TFEC: variants seen among roughly 807,000 people sequenced by gnomAD.
The protein encoded by TFEC is transcription factor EC, also known as class E basic helix-loop-helix protein 34.
Under a neutral mutation model 41.6 loss-of-function variants are expected in TFEC, and 31 were observed. The ratio of observed to expected loss-of-function variants is 0.74; its 90% CI spans 0.56 to 1.01. TFEC has a LOEUF of 1.01. Among genes scored for constraint, TFEC ranks in the 50% least tolerant of loss-of-function variants. The pLI, the probability that TFEC is intolerant of heterozygous loss-of-function variation, is 0.00. For missense variants in TFEC, 402 were observed against 404.1 expected, an observed-to-expected ratio of 0.99 and a Z score of 0.04; for synonymous variants, 143 against 140.6, an observed-to-expected ratio of 1.02 and a Z score of -0.12.
At chr7:116,032,708 G>A (rs1340264661), upstream of TFEC, among the ~76,000 whole-genome samples, 14 of 151,998 alleles carry the variant, frequency 9.2e-5, no homozygotes, top group African/African-American at 2.4e-4. Flanking sequence ...GGAGTGAGAG[G>A]ATCAGGAAAA....
chr7:116,082,005 T>C (rs949443796), intron 3 of TFEC, among the ~76,000 whole-genome samples: 3 of 151,982 alleles, frequency 2.0e-5, no homozygotes, highest in African/African-American at 7.2e-5. Context: ...AGGAAGAATT[T>C]TACTTATATC....
At chr7:116,001,639 G>T (rs1794601115) in intron 1 of TFEC, among the ~76,000 whole-genome samples, 1 of 152,032 alleles carries the variant, frequency 6.6e-6, no homozygotes, top group African/African-American at 2.4e-5. Context: ...AAGCAAAAAT[G>T]GACAAATGGG....
intron 3 of TFEC, among the ~76,000 whole-genome samples, chr7:116,097,630 G>T (rs1433092948): frequency 6.6e-6 from 1 of 152,076 alleles, no homozygotes; most frequent in East Asian, 1.9e-4. Context: ...AGAGAAGGAA[G>T]GTGTGTGATC....
At chr7:116,064,899 T>A (rs1344099184) in intron 3 of TFEC, among the ~76,000 whole-genome samples, 2 of 152,200 alleles carry the variant, frequency 1.3e-5, no homozygotes, top group African/African-American at 4.8e-5. Flanking sequence ...AGAGATTCGC[T>A]GTTAGATTCC....
chr7:116,086,308 G>A (rs1797202143), intron 3 of TFEC, among the ~76,000 whole-genome samples: 2 of 151,856 alleles, frequency 1.3e-5, no homozygotes. Context: ...TCTGTTTCCA[G>A]TTAGTCAATA....
intron 1 of TFEC, among the ~76,000 whole-genome samples, chr7:116,113,860 G>T (rs935279836): frequency 6.6e-6 from 1 of 151,870 alleles, no homozygotes; most frequent in Admixed American, 6.6e-5. Context: ...ATCATTTAAG[G>T]CCCTTTATAG....
intron 1 of TFEC, among the ~76,000 whole-genome samples, chr7:116,148,713 G>A (rs963785020): frequency 6.6e-6 from 1 of 152,100 alleles, no homozygotes; most frequent in Non-Finnish European, 1.5e-5. Flanking sequence ...AATTTTCTTC[G>A]GGAATGTTGA....
At chr7:115,997,391 C>G (rs530192335) in intron 1 of TFEC, among the ~76,000 whole-genome samples, 2 of 152,166 alleles carry the variant, frequency 1.3e-5, no homozygotes, top group Admixed American at 6.5e-5. Context: ...CTTTAGCTGC[C>G]TCCTAATGCA....
At chr7:115,968,231 TTC>T (rs1792963048) in intron 3 of TFEC, 1 of 1,530,842 alleles carries the variant, frequency 6.5e-7, no homozygotes, top group African/African-American at 1.4e-5. Flanking sequence ...AGCAATGGTT[TTC>T]TCTTTCTCCT....
At chr7:116,041,959 T>G (rs1439605308) in intron 3 of TFEC, among the ~76,000 whole-genome samples, 1 of 152,130 alleles carries the variant, frequency 6.6e-6, no homozygotes, top group African/African-American at 2.4e-5. Flanking sequence ...TTGTTCACCT[T>G]CTGCTGACAA....
At chr7:116,092,880 G>C (rs1009808048) in intron 3 of TFEC, among the ~76,000 whole-genome samples, 3 of 152,118 alleles carry the variant, frequency 2.0e-5, no homozygotes, top group African/African-American at 7.2e-5. Flanking sequence ...ATGGAAGCGA[G>C]TCTGACCATT....
intron 3 of TFEC, among the ~76,000 whole-genome samples, chr7:116,068,270 A>T (rs1215771913): frequency 6.6e-6 from 1 of 151,802 alleles, no homozygotes. Context: ...CTCAGCCCTG[A>T]TCTCACTGAA....
intron 2 of TFEC, among the ~76,000 whole-genome samples, chr7:115,976,286 G>A (rs552017925): frequency 6.6e-5 from 10 of 151,902 alleles, no homozygotes; most frequent in South Asian, 2.1e-4. Flanking sequence ...TTAGCCAGGC[G>A]TGGTGGTGTG....
chr7:116,051,119 G>A (rs1796300645), intron 3 of TFEC, among the ~76,000 whole-genome samples: 1 of 152,076 alleles, frequency 6.6e-6, no homozygotes, highest in African/African-American at 2.4e-5. Context: ...GATGCAGGGT[G>A]GGGAACATCA....
chr7:116,128,755 T>C (rs1403105913), intron 1 of TFEC, among the ~76,000 whole-genome samples: 1 of 151,896 alleles, frequency 6.6e-6, no homozygotes. Flanking sequence ...TAGTTTGAGA[T>C]GTGTGTTTCT....
In TFEC at chr7:115,935,976, G is replaced by A. The variant is rs1562866889; in HGVS notation, c.*4575C>T. 6.6e-6 allele frequency: 1 copy of A among 151,422 alleles called. No homozygotes were observed. The highest frequency in any genetic ancestry group is 1.9e-4 in the East Asian group (1 of 5,166). 9.4% of individuals were successfully genotyped at this position (151,422 alleles called of 1,614,324 possible). A position where few individuals can be genotyped will look rare whatever the true frequency, so the allele number is the denominator to read the frequency against. Reference sequence around the variant, plus strand: ...TCATCATTAAGTTGGTTGAATCCTGGGAGATATATTTTTTAATCAAAATAG... The same window carrying A: ...TCATCATTAAGTTGGTTGAATCCTGAGAGATATATTTTTTAATCAAAATAG... On this transcript the variant is annotated 3_prime_UTR_variant, in exon 8 of 8. Transcript: ENST00000265440.
chr7:115,998,638 G>C (rs972225884), intron 1 of TFEC, among the ~76,000 whole-genome samples: 3 of 151,472 alleles, frequency 2.0e-5, no homozygotes, highest in Non-Finnish European at 4.4e-5. Flanking sequence ...GATTGAAAAA[G>C]ATATTCCATG....
At chr7:115,947,328 A>G (rs904364742) in intron 6 of TFEC, among the ~76,000 whole-genome samples, 2 of 151,530 alleles carry the variant, frequency 1.3e-5, no homozygotes, top group African/African-American at 4.8e-5. Flanking sequence ...ATTGCTGGAC[A>G]TTTGGGTTGG....
At chr7:116,008,631 T>C (rs532334714) in intron 1 of TFEC, among the ~76,000 whole-genome samples, 3 of 152,298 alleles carry the variant, frequency 2.0e-5, no homozygotes, top group Admixed American at 1.3e-4. Context: ...CACATGACAT[T>C]TGTTAATGTT....
Sources: allele counts gnomAD v4.1 joint callset (sites outside exome capture counted in the v4.1 genomes callset), GRCh38; gene constraint gnomAD v4.1.1; transcripts MANE v1.5; gene names NCBI Gene and HGNC (gene_info 2026-07-23, HGNC 2026-07-21).